Variants in BAZ2B observed in about 807,000 individuals in gnomAD.
BAZ2B encodes bromodomain adjacent to zinc finger domain protein 2B.
Under a neutral mutation model 246.0 loss-of-function variants are expected in BAZ2B, and 91 were observed. The ratio of observed to expected loss-of-function variants is 0.37; its 90% CI spans 0.31 to 0.44. The LOEUF (loss-of-function observed/expected upper bound fraction) is 0.44. Among genes scored for constraint, BAZ2B ranks in the 20% least tolerant of loss-of-function variants. The probability of loss-of-function intolerance (pLI) is 1.00; values close to 1 mark genes in which losing one functional copy is unlikely to be tolerated. For synonymous variants in BAZ2B, 855 were observed against 860.0 expected, an observed-to-expected ratio of 0.99 and a Z score of 0.10; for missense variants, 2,332 against 2,533.7, an observed-to-expected ratio of 0.92 and a Z score of 1.71.
chr2:159,527,830 T>C (rs1324907592), intron 2 of BAZ2B, among the ~76,000 whole-genome samples: 1 of 152,252 alleles, frequency 6.6e-6, no homozygotes, highest in Admixed American at 6.5e-5. Flanking sequence ...ATAAGAGTTA[T>C]ACATGAGTGC....
chr2:159,486,572 G>C (rs552820163), intron 2 of BAZ2B, among the ~76,000 whole-genome samples: 1 of 151,292 alleles, frequency 6.6e-6, no homozygotes, highest in African/African-American at 2.4e-5. Context: ...TGAAAAAAAT[G>C]TGGGCTTTTC....
At chr2:159,685,298 G>C in the BAZ2B span, among the ~76,000 whole-genome samples, 1 of 152,074 alleles carries the variant, frequency 6.6e-6, no homozygotes, top group South Asian at 2.1e-4. Context: ...TATTTAGAAA[G>C]AAGTATCTAT....
intron 2 of BAZ2B, chr2:159,516,587 T>C (rs1340019135): frequency 1.3e-5 from 2 of 152,580 alleles, no homozygotes; most frequent in Non-Finnish European, 2.9e-5. Flanking sequence ...TTAGCAATTA[T>C]TGTAATGAGA....
intron 14 of BAZ2B, chr2:159,411,839 A>T (rs2066887032): frequency 1.8e-6 from 1 of 568,564 alleles, no homozygotes; most frequent in Non-Finnish European, 2.2e-6. Context: ...TTAATTTGTT[A>T]TTCTGAAAAT....
At position 159,412,347 on chromosome 2, in the gene BAZ2B, G is replaced by A. The variant is rs767516055; in HGVS notation, c.2665C>T (p.Leu889=). The stretch of plus-strand genomic sequence containing the variant: ...TTATGTTTCTTACCTTGAGCTTGCA[G>A]TTTTCTTAGCAACTTTGCATCTGCG... ...DNADAKLLRK[L]QAQEIARQAA... is the part of the protein sequence containing the mutation. The change falls in exon 14 of 37, where the codon CTG becomes TTG. Residue 889 remains leucine (L), a synonymous_variant. Transcript: ENST00000392783. 5.0e-6 allele frequency: 8 copies of A among 1,613,964 alleles called. No homozygotes were observed. In the Admixed American group the frequency reaches 1.3e-4, roughly 27 times the overall value.
In BAZ2B at chr2:159,337,644, T is replaced by C. The variant is rs182710077; in HGVS notation, c.5583A>G (p.Ala1861=). The C allele has an allele frequency of 7.4e-6, 12 of 1,614,240 alleles. No individual in the cohort carries two copies. The East Asian group carries it at 8.9e-5, about 12-fold the overall frequency. The stretch of plus-strand genomic sequence containing the variant: ...GGGGGTTGTCACTCTTCCGTTCTAG[T>C]GCATGTGCACTGCTTTCGTCTTCGC... ...FTGEDESSAH[A]LERKSDNPLD... Residue 1861 remains alanine, a synonymous_variant, in exon 32 of 37, where the codon GCA becomes GCG. Coordinates refer to ENST00000392783, the MANE Select transcript of BAZ2B (RefSeq NM_013450.4).
intron 25 of BAZ2B, among the ~76,000 whole-genome samples, chr2:159,380,967 T>A (rs2061933858): frequency 6.6e-6 from 1 of 152,176 alleles, no homozygotes; most frequent in African/African-American, 2.4e-5. Context: ...TATGCCGAGT[T>A]CTGTGAATCA....
chr2:159,625,417 C>A, the BAZ2B span, among the ~76,000 whole-genome samples: 1 of 152,158 alleles, frequency 6.6e-6, no homozygotes, highest in Admixed American at 6.5e-5. Flanking sequence ...ATGTTAAGGG[C>A]AGCCAGACAG....
chr2:159,528,751 A>G (rs1211347504), intron 2 of BAZ2B, among the ~76,000 whole-genome samples: 1 of 151,956 alleles, frequency 6.6e-6, no homozygotes, highest in Non-Finnish European at 1.5e-5. Flanking sequence ...CCTTTTATTA[A>G]CCTCTAGTTA....
chr2:159,657,868 A>C, the BAZ2B span, among the ~76,000 whole-genome samples: 1 of 152,180 alleles, frequency 6.6e-6, no homozygotes, highest in African/African-American at 2.4e-5. Context: ...GATTCTTTAA[A>C]TCTGCAAACA....
rs1377847618 is a variant in BAZ2B, at chr2:159,418,027, G to A, written c.2467-5482C>T. Among the ~76,000 whole-genome samples, 4 of 152,336 alleles carry A rather than the reference G, an allele frequency of 2.6e-5. No homozygotes were observed. In the East Asian group the frequency reaches 7.7e-4, roughly 29 times the overall value. On this transcript the variant is annotated intron_variant, in intron 13 of 36. Transcript: ENST00000392783. ...GGCTGAAATTGAACACCGCCTGGATGTGAAGGAGGAAAGCCTGAATGTAGA... is the reference window on the plus strand; with the variant it reads ...GGCTGAAATTGAACACCGCCTGGATATGAAGGAGGAAAGCCTGAATGTAGA...
At chr2:159,553,359 C>T (rs1369595885) in intron 2 of BAZ2B, among the ~76,000 whole-genome samples, 2 of 127,548 alleles carry the variant, frequency 1.6e-5, no homozygotes, top group East Asian at 4.6e-4. Context: ...TGCACCACTG[C>T]ACTCCAGCCT....
At position 159,614,288 on chromosome 2, in the gene BAZ2B, T is replaced by C. The variant is rs534452775; in HGVS notation, c.-46+1954A>G. Among the ~76,000 whole-genome samples, 19 of 132,630 alleles carry C rather than the reference T, an allele frequency of 1.4e-4. No homozygotes were observed. In the East Asian group the frequency reaches 3.8e-3, roughly 26 times the overall value. 87.0% of individuals were successfully genotyped at this position (132,630 alleles called of 152,430 possible). On this transcript the variant is annotated intron_variant, in intron 1 of 36. Transcript: ENST00000392783. The stretch of plus-strand genomic sequence containing the variant: ...CTAGTTTTTGTTTATCTGTTCATAA[T>C]GGCTGACAAAGAGTTTATAGCTAGC...
chr2:159,503,974 C>T (rs574689415), intron 2 of BAZ2B, among the ~76,000 whole-genome samples: 33 of 152,200 alleles, frequency 2.2e-4, no homozygotes, highest in Non-Finnish European at 3.2e-4. Context: ...CTATATTTTG[C>T]TTTAATGTTT....
Position 159,431,135 on chromosome 2 carries a change from G to T in BAZ2B, c.1922C>A (p.Ser641Ter). The T allele has an allele frequency of 1.9e-6, 3 of 1,607,362 alleles. No homozygotes were observed. In the South Asian group the frequency reaches 3.3e-5, roughly 18 times the overall value. The change falls in exon 10 of 37, where the codon TCA (serine) becomes TAA (stop). Residue 641 changes from serine to a stop codon, truncating the protein, a stop_gained. Transcript: ENST00000392783. LOFTEE classifies it high-confidence loss of function. ...TTCTTCTTCTGATCCTTCTGTATCT[G>T]ATTCTGAATTACTATCTGATTCTGG... ...SQSESDSNSE[S>*]DTEGSEEEDD...
At chr2:159,410,776 G>T (rs2066707763) in intron 14 of BAZ2B, among the ~76,000 whole-genome samples, 1 of 152,098 alleles carries the variant, frequency 6.6e-6, no homozygotes. Flanking sequence ...ACTTGAAAAT[G>T]ATTTGTGTAA....
chr2:159,556,530 G>GACA (rs2089160089), intron 1 of BAZ2B, among the ~76,000 whole-genome samples: 2 of 139,390 alleles, frequency 1.4e-5, no homozygotes, highest in African/African-American at 6.7e-5. Context: ...GCGCGATCGT[G>GACA]GCTCACTGCA....
At chr2:159,347,713 A>C (rs2068133208) in intron 30 of BAZ2B, 67 bp from the exon 31 acceptor site, 12 of 1,337,618 alleles carry the variant, frequency 9.0e-6, no homozygotes, top group Admixed American at 2.4e-5. Flanking sequence ...GACCTCTTCC[A>C]GAAAGTGAAT....
At chr2:159,654,090 A>G in the BAZ2B span, among the ~76,000 whole-genome samples, 1 of 152,184 alleles carries the variant, frequency 6.6e-6, no homozygotes, top group Non-Finnish European at 1.5e-5. Context: ...TCAGAAATAT[A>G]TTCTATCAAC....
Sources: gnomAD v4.1 joint callset for allele counts (sites outside exome capture counted in the v4.1 genomes callset) on GRCh38, gnomAD v4.1.1 for gene constraint, MANE v1.5 for transcripts, NCBI Gene and HGNC (gene_info 2026-07-23, HGNC 2026-07-21) for gene names.